The following GPATCH8 variants were observed in gnomAD, a reference collection of about 807,000 sequenced individuals.
The protein encoded by GPATCH8 is G-patch domain containing 8, also known as G patch domain-containing protein 8.
A neutral mutation model predicts 118.3 loss-of-function variants in GPATCH8; 18 were observed. The observed-to-expected ratio is 0.15, with a 90% CI of 0.11 to 0.23. GPATCH8 has a LOEUF of 0.23. Ranked by LOEUF, GPATCH8 falls within the 10% of genes least tolerant of loss-of-function variation. The pLI is 1.00. For synonymous variants in GPATCH8, 659 were observed against 684.7 expected, an observed-to-expected ratio of 0.96 and a Z score of 0.59; for missense variants, 1,631 against 1,873.8, an observed-to-expected ratio of 0.87 and a Z score of 2.39.
intron 3 of GPATCH8, among the ~76,000 whole-genome samples, chr17:44,456,854 T>A (rs1372495446): frequency 6.6e-6 from 1 of 151,860 alleles, no homozygotes; most frequent in East Asian, 1.9e-4. Flanking sequence ...TGAATAGTAA[T>A]ACAAGTACAG....
At chr17:44,418,642 G>A (rs35179042) in intron 6 of GPATCH8, among the ~76,000 whole-genome samples, 1 of 151,978 alleles carries the variant, frequency 6.6e-6, no homozygotes, top group Non-Finnish European at 1.5e-5. Flanking sequence ...TAGTAGAGAG[G>A]GGTTTTCACC....
intron 3 of GPATCH8, among the ~76,000 whole-genome samples, chr17:44,437,236 G>A (rs1156390929): frequency 6.6e-6 from 1 of 152,028 alleles, no homozygotes; most frequent in Non-Finnish European, 1.5e-5. Flanking sequence ...TGGCTGCGAG[G>A]GTAACTGGTA....
chr17:44,445,310 A>G (rs1397656687), intron 3 of GPATCH8, among the ~76,000 whole-genome samples: 1 of 152,128 alleles, frequency 6.6e-6, no homozygotes, highest in East Asian at 1.9e-4. Context: ...CCCCCATAAT[A>G]ATGGTGTTTT....
rs376924976 is a variant in GPATCH8, at chr17:44,400,074, C to T, written c.2003G>A (p.Arg668Gln). Residue 668 changes from arginine to glutamine, a missense_variant, in exon 8 of 8, where the codon CGA (arginine) becomes CAA (glutamine). Arg to Gln is a conservative substitution (Grantham distance 43). Around this residue, in one of 8 missense-constraint regions of GPATCH8, gnomAD observed 922 missense variants for 879.7 expected, o/e 1.05. Transcript: ENST00000591680. Reference protein sequence around the residue: ...TGRSLPSKKERSGKSHRHKKK... With the variant: ...TGRSLPSKKEQSGKSHRHKKK... The stretch of plus-strand genomic sequence containing the variant: ...TTTGTGCCGGTGGGACTTCCCAGAT[C>T]GTTCTTTCTTGCTGGGAAGGCTTCT... The T allele has an allele frequency of 4.0e-5, 64 of 1,613,738 alleles. No individual in the cohort carries two copies. The highest frequency in any genetic ancestry group is 4.8e-5 in the Non-Finnish European group (57 of 1,179,994).
intron 5 of GPATCH8, among the ~76,000 whole-genome samples, chr17:44,427,012 T>C (rs1430476500): frequency 2.0e-5 from 3 of 152,288 alleles, no homozygotes; most frequent in Admixed American, 6.5e-5. Context: ...TGGAGTTATA[T>C]GTATGTGTAC....
chr17:44,456,707 T>C (rs1041834143), intron 3 of GPATCH8, among the ~76,000 whole-genome samples: 2 of 152,180 alleles, frequency 1.3e-5, no homozygotes, highest in African/African-American at 4.8e-5. Context: ...TTACCCTACA[T>C]TGTATTCACC....
At position 44,399,362 on chromosome 17, in the gene GPATCH8, G is replaced by C. The variant is rs904131989; in HGVS notation, c.2715C>G (p.Ser905=). ...AGTCATCTGAGTCATGGGAGCGCTTGGAGTGCCTTCGTGATCTGTCACTGT... is the reference window on the plus strand; with the variant it reads ...AGTCATCTGAGTCATGGGAGCGCTTCGAGTGCCTTCGTGATCTGTCACTGT... ...SDYSDRSRRH[S]KRSHDSDDSD... is the part of the protein sequence containing the mutation. Residue 905 remains serine (S), a synonymous_variant, in exon 8 of 8, where the codon TCC becomes TCG. Transcript: ENST00000591680. The C allele has an allele frequency of 6.2e-7, 1 of 1,614,036 alleles. No homozygotes were observed. Among genetic ancestry groups the C allele is most frequent in the African/African-American group, 1.3e-5 (1 of 74,920 alleles).
At position 44,400,808 on chromosome 17, in the gene GPATCH8, A is replaced by T. The variant is rs748703155; in HGVS notation, c.1269T>A (p.Asp423Glu). ...FMRASEQMDG[D>E]NTTHPKNAPE... is the part of the protein sequence containing the mutation. ...GGGCATTCTTTGGGTGTGTAGTATT[A>T]TCACCATCCATTTGTTCACTGGCTC... Residue 423 changes from aspartate to glutamate, a missense_variant, in exon 8 of 8, where the codon GAT becomes GAA. Coordinates refer to ENST00000591680, the MANE Select transcript of GPATCH8 (RefSeq NM_001002909.4). The T allele has an allele frequency of 1.2e-6, 2 of 1,614,090 alleles. No homozygotes were observed. Among genetic ancestry groups the T allele is most frequent in the East Asian group, 4.5e-5 (2 of 44,888 alleles).
intron 3 of GPATCH8, among the ~76,000 whole-genome samples, chr17:44,457,043 A>C (rs1458481571): frequency 6.6e-6 from 1 of 151,960 alleles, no homozygotes; most frequent in South Asian, 2.1e-4. Context: ...TTATATTTTT[A>C]GTAGAGAAGG....
At chr17:44,428,919 T>C (rs1373516044) in intron 5 of GPATCH8, among the ~76,000 whole-genome samples, 1 of 151,172 alleles carries the variant, frequency 6.6e-6, no homozygotes, top group African/African-American at 2.4e-5. Flanking sequence ...AGGTGGGCGG[T>C]TCACGAGGTC....
At chr17:44,502,156 G>C (rs535311612) in intron 1 of GPATCH8, among the ~76,000 whole-genome samples, 12 of 152,244 alleles carry the variant, frequency 7.9e-5, no homozygotes, top group Admixed American at 7.2e-4. Flanking sequence ...ACAGTGCTGA[G>C]TTAAAATTGT....
At chr17:44,468,228 T>C (rs1378123794) in intron 2 of GPATCH8, among the ~76,000 whole-genome samples, 1 of 151,866 alleles carries the variant, frequency 6.6e-6, no homozygotes, top group African/African-American at 2.4e-5. Flanking sequence ...CTGCCTTGGC[T>C]TCCCCAAGTG....
At position 44,404,219 on chromosome 17, in the gene GPATCH8, C is replaced by G. The variant is rs533893370; in HGVS notation, c.623+1702G>C. 4.6e-5 allele frequency among the ~76,000 whole-genome samples: 7 copies of G among 151,708 alleles called. No individual in the cohort carries two copies. In the South Asian group the frequency reaches 1.2e-3, roughly 27 times the overall value. On this transcript the variant is annotated intron_variant, in intron 7 of 7. Coordinates refer to ENST00000591680, the MANE Select transcript of GPATCH8 (RefSeq NM_001002909.4). ...GTGCTGTGATCACAGCTCACTGCAG[C>G]CTTGATCTCCCAGGCTCAAGTGATT...
rs1283563778 is a variant in GPATCH8, at chr17:44,424,584, A to G, written c.349-92T>C. 5.4e-6 allele frequency: 5 copies of G among 924,924 alleles called. No homozygotes were observed. In the Admixed American group the frequency reaches 9.5e-5, roughly 18 times the overall value. The allele number at this position is 924,924 out of a possible 1,614,324, so 57.3% of individuals were successfully genotyped here. A position where few individuals can be genotyped will look rare whatever the true frequency, so the allele number is the denominator to read the frequency against. ...GAGAAAACAGTCTATCTGAGAAGAC[A>G]AAAAAGGGCTTTTCATAATATTTAG... On this transcript the variant is annotated intron_variant, in intron 5 of 7. Transcript: ENST00000591680.
intron 3 of GPATCH8, among the ~76,000 whole-genome samples, chr17:44,460,255 CT>C (rs376956752): frequency 6.6e-6 from 1 of 152,038 alleles, no homozygotes; most frequent in Admixed American, 6.6e-5. Flanking sequence ...ATCAGTAGTG[CT>C]TTTTTTGTGT....
At chr17:44,483,166 AAAAAAAAAAAATATATATAT>A (rs1282102977) in intron 1 of GPATCH8, among the ~76,000 whole-genome samples, 3 of 21,568 alleles carry the variant, frequency 1.4e-4, no homozygotes, top group African/African-American at 3.8e-4. Flanking sequence ...AAAAAAAAAA[AAAAAAAAAAAATATATATAT>A]ATATATATAT....
At chr17:44,432,781 G>C (rs2050366296) in intron 5 of GPATCH8, among the ~76,000 whole-genome samples, 2 of 152,128 alleles carry the variant, frequency 1.3e-5, no homozygotes, top group Admixed American at 6.6e-5. Flanking sequence ...TCAGATAATA[G>C]GACATTTAAG....
At chr17:44,435,223 G>A (rs1483965376) in intron 4 of GPATCH8, 72 bp from the exon 5 acceptor site, 6 of 784,770 alleles carry the variant, frequency 7.6e-6, no homozygotes, top group African/African-American at 1.7e-5. Flanking sequence ...AAAGTTATTT[G>A]CACAACTACA....
At chr17:44,420,462 C>G (rs2049856239) in intron 6 of GPATCH8, among the ~76,000 whole-genome samples, 1 of 152,124 alleles carries the variant, frequency 6.6e-6, no homozygotes, top group Non-Finnish European at 1.5e-5. Context: ...CTTTTCTGTG[C>G]ATTGTAGATG....
Sources: allele counts gnomAD v4.1 joint callset (sites outside exome capture counted in the v4.1 genomes callset), GRCh38; gene constraint gnomAD v4.1.1; regional missense constraint gnomAD v4.1.1; transcripts MANE v1.5; gene names NCBI Gene and HGNC (gene_info 2026-07-23, HGNC 2026-07-21).